The following P3H4 variants were observed in gnomAD, a reference collection of about 807,000 sequenced individuals.
P3H4 encodes the protein prolyl 3-hydroxylase family member 4 (inactive).
Under a neutral mutation model 52.9 loss-of-function variants are expected in P3H4, and 47 were observed. The observed-to-expected ratio is 0.89, with a 90% CI of 0.70 to 1.13. The LOEUF is 1.13. P3H4 is among the 50% of genes most tolerant of loss of function. The pLI is 0.00. For missense variants in P3H4, 585 were observed against 611.0 expected, an observed-to-expected ratio of 0.96 and a Z score of 0.45; for synonymous variants, 256 against 267.9, an observed-to-expected ratio of 0.96 and a Z score of 0.44.
At chr17:41,810,169 CTTTTTTTTTTT>C (rs71155170) in intron 3 of P3H4, among the ~76,000 whole-genome samples, 1 of 116,920 alleles carries the variant, frequency 8.6e-6, no homozygotes, top group African/African-American at 3.3e-5. Context: ...AAAGGACAGT[CTTTTTTTTTTT>C]TTTTTTTTTT....
intron 5 of P3H4, chr17:41,807,279 C>A (rs560295803): frequency 2.3e-4 from 57 of 246,316 alleles, no homozygotes; most frequent in Admixed American, 8.0e-4. Context: ...TGGATGTGTA[C>A]CTTCATACCT....
intron 6 of P3H4, 146 bp from the exon 7 acceptor site, chr17:41,803,577 C>T (rs1315632434): frequency 2.7e-6 from 2 of 731,154 alleles, no homozygotes; most frequent in East Asian, 2.8e-5. Context: ...TCTAATGAGA[C>T]AGTCCTGAGG....
Position 41,811,796 on chromosome 17 carries a change from G to A in P3H4, c.120C>T (p.Tyr40=), listed in dbSNP as rs962998684. Residue 40 remains tyrosine (Y), a synonymous_variant, in exon 1 of 8, where the codon TAC becomes TAT. Coordinates refer to ENST00000393928, the MANE Select transcript of P3H4 (RefSeq NM_006455.3). The surrounding 1 kb of genome is among the most constrained non-coding windows in gnomAD (Gnocchi z 4.8). The stretch of plus-strand genomic sequence containing the variant: ...CCTCGTACTGCTCCAGAGCGTGCCC[G>A]TACGCCGCGGCCAGCGGCATCAGGT... ...PEDLMPLAAA[Y]GHALEQYEGE... The A allele has an allele frequency of 6.5e-7, 1 of 1,534,868 alleles. No homozygotes were observed.
chr17:41,803,261 AC>A (rs782543483), intron 7 of P3H4, 25 bp downstream of exon 7: 7 of 1,598,502 alleles, frequency 4.4e-6, no homozygotes, highest in South Asian at 1.1e-5. Flanking sequence ...CTGCATCCCC[AC>A]CCCCCAAGGA....
In P3H4 at chr17:41,811,177, G is replaced by A. The variant is rs2047729667; in HGVS notation, c.570C>T (p.Asp190=). The A allele has an allele frequency of 6.2e-7, 1 of 1,614,160 alleles. No homozygotes were observed. The highest frequency in any genetic ancestry group is 1.1e-5 in the South Asian group (1 of 91,086). The part of the protein sequence containing the change: ...KYLNYYQGML[D]VADESLTDLE... Reference sequence around the variant, plus strand: ...GGTCCGTGAGGGACTCGTCGGCGACGTCCAGCATCCCCTGATAGTAGTTGA... The same window carrying A: ...GGTCCGTGAGGGACTCGTCGGCGACATCCAGCATCCCCTGATAGTAGTTGA... Residue 190 remains aspartate, a synonymous_variant, in exon 2 of 8, where the codon GAC becomes GAT. Coordinates refer to ENST00000393928, the MANE Select transcript of P3H4 (RefSeq NM_006455.3). This position sits in a 1 kb window ranked among gnomAD's most constrained non-coding sequence, Gnocchi z 4.8.
chr17:41,805,929 A>C (rs1475303367), intron 6 of P3H4, among the ~76,000 whole-genome samples: 3 of 152,086 alleles, frequency 2.0e-5, no homozygotes, highest in Admixed American at 6.6e-5. Context: ...CTTGAAATCA[A>C]TGTTAATAGG....
At position 41,811,288 on chromosome 17, in the gene P3H4, G is replaced by T. The variant is rs2047732191; in HGVS notation, c.463-4C>A. 4 of 1,612,722 alleles carry T rather than the reference G, an allele frequency of 2.5e-6. No individual in the cohort carries two copies. The East Asian group carries it at 8.9e-5, about 36-fold the overall frequency. ...CCGCCTTCTCCAGCCGGTTAGCCTG[G>T]TCGGGGGGTAGGGGGTGGGGGAGCG... On this transcript the variant is annotated splice_polypyrimidine_tract_variant and splice_region_variant and intron_variant, in intron 1 of 7. Coordinates refer to ENST00000393928, the MANE Select transcript of P3H4 (RefSeq NM_006455.3). This position sits in a 1 kb window ranked among gnomAD's most constrained non-coding sequence, Gnocchi z 4.8.
intron 4 of P3H4, among the ~76,000 whole-genome samples, chr17:41,808,509 T>TC (rs2047697702): frequency 1.3e-5 from 2 of 152,076 alleles, no homozygotes. Flanking sequence ...CACCTCAGTC[T>TC]CCCCAGTAGC....
rs112067629 is a variant in P3H4, at chr17:41,809,606, A to G, written c.916+100T>C. On this transcript the variant is annotated intron_variant, in intron 4 of 7. Coordinates refer to ENST00000393928, the MANE Select transcript of P3H4 (RefSeq NM_006455.3). ...TTCCTCCTATCACCCAGGGTCCTCA[A>G]TACTGAAGGAAAGCTCCCCACAACT... 305 of 1,409,244 alleles carry G rather than the reference A, an allele frequency of 2.2e-4. 3 individuals carry two copies. In the African/African-American group the frequency reaches 3.6e-3, roughly 17 times the overall value. The allele number at this position is 1,409,244 out of a possible 1,614,324, so 87.3% of individuals were successfully genotyped here.
intron 6 of P3H4, among the ~76,000 whole-genome samples, chr17:41,805,740 C>T (rs551401901): frequency 6.6e-6 from 1 of 152,284 alleles, no homozygotes; most frequent in East Asian, 1.9e-4. Context: ...GGCCACCCAA[C>T]TGGTAAGTAA....
At chr17:41,809,657 C>T in intron 4 of P3H4, 49 bp downstream of exon 4, 1 of 1,597,656 alleles carries the variant, frequency 6.3e-7, no homozygotes, top group Non-Finnish European at 8.5e-7. Context: ...ACAGTCCTCT[C>T]CCTTATCACC....
At chr17:41,810,379 G>T (rs2047716736) in intron 3 of P3H4, among the ~76,000 whole-genome samples, 1 of 151,730 alleles carries the variant, frequency 6.6e-6, no homozygotes, top group African/African-American at 2.4e-5. Context: ...TCACCATGTT[G>T]GTCAGGCTGG....
In P3H4 at chr17:41,809,913, C is replaced by T. The variant is rs2144027308; in HGVS notation, c.788-79G>A. 7 of 1,524,440 alleles carry T rather than the reference C, an allele frequency of 4.6e-6. No individual in the cohort carries two copies. In the South Asian group the frequency reaches 8.6e-5, roughly 19 times the overall value. 94.4% of individuals were successfully genotyped at this position (1,524,440 alleles called of 1,614,324 possible). A position where few individuals can be genotyped will look rare whatever the true frequency, so the allele number is the denominator to read the frequency against. On this transcript the variant is annotated intron_variant, in intron 3 of 7. Transcript: ENST00000393928. Reference sequence around the variant, plus strand: ...CCCCCAGTGGAGAAGACTCTAAATCCAATCTCTGCCTACTAAGCCAAGCTG... The same window carrying T: ...CCCCCAGTGGAGAAGACTCTAAATCTAATCTCTGCCTACTAAGCCAAGCTG...
intron 4 of P3H4, among the ~76,000 whole-genome samples, chr17:41,809,321 T>C (rs2047704589): frequency 6.6e-6 from 1 of 152,034 alleles, no homozygotes; most frequent in Non-Finnish European, 1.5e-5. Flanking sequence ...CTCAGGAGGC[T>C]AAGAGAATCA....
intron 6 of P3H4, 74 bp downstream of exon 6, chr17:41,806,722 C>T: frequency 7.8e-7 from 1 of 1,285,088 alleles, no homozygotes; most frequent in East Asian, 2.5e-5. Context: ...TGAATTCTGG[C>T]ACACTGGTGG....
Position 41,802,654 on chromosome 17 carries a change from C to T in P3H4, c.*303G>A, listed in dbSNP as rs893344495. ...GCAACCTTTGCCTCCCAGGTTCAAG[C>T]GATTCTCCTGCCTCAGCCTCTTGAG... On this transcript the variant is annotated 3_prime_UTR_variant, in exon 8 of 8. Coordinates refer to ENST00000393928, the MANE Select transcript of P3H4 (RefSeq NM_006455.3). 1.5e-5 allele frequency: 5 copies of T among 326,522 alleles called. No homozygotes were observed. Among genetic ancestry groups the T allele is most frequent in the South Asian group, 3.4e-5 (1 of 29,244 alleles). 20.2% of individuals were successfully genotyped at this position (326,522 alleles called of 1,614,324 possible).
chr17:41,807,756 C>T (rs1236581833), intron 5 of P3H4, 103 bp downstream of exon 5: 1 of 1,432,016 alleles, frequency 7.0e-7, no homozygotes, highest in East Asian at 2.5e-5. Context: ...CCTCAGCCTC[C>T]CAAAGTGCTG....
At chr17:41,808,269 C>T (rs554851333) in intron 4 of P3H4, among the ~76,000 whole-genome samples, 1 of 152,312 alleles carries the variant, frequency 6.6e-6, no homozygotes, top group African/African-American at 2.4e-5. Context: ...GGCTAGAGTG[C>T]AGTGGTGCAA....
At chr17:41,807,004 C>T in intron 5 of P3H4, 125 bp from the exon 6 acceptor site, 1 of 699,332 alleles carries the variant, frequency 1.4e-6, no homozygotes, top group Non-Finnish European at 2.5e-6. Context: ...GAATAGGTAT[C>T]AGCTCACAAG....
Sources: allele counts gnomAD v4.1 joint callset (sites outside exome capture counted in the v4.1 genomes callset), GRCh38; gene constraint gnomAD v4.1.1; non-coding constraint Gnocchi (gnomAD v3.1); transcripts MANE v1.5; gene names NCBI Gene and HGNC (gene_info 2026-07-23, HGNC 2026-07-21).